The following RAP1GDS1 variants were observed in gnomAD, a reference collection of about 807,000 sequenced individuals.
The protein encoded by RAP1GDS1 is Rap1 GTPase-GDP dissociation stimulator 1, also known as RAP1, GTP-GDP dissociation stimulator 1.
RAP1GDS1 carries 35 observed loss-of-function variants against 71.1 expected under a neutral mutation model. The observed-to-expected ratio is 0.49, with a 90% CI of 0.38 to 0.65. The LOEUF (loss-of-function observed/expected upper bound fraction) is 0.65. Among genes scored for constraint, RAP1GDS1 ranks in the 30% least tolerant of loss-of-function variants. The pLI, the probability that RAP1GDS1 is intolerant of heterozygous loss-of-function variation, is 0.00. For missense variants in RAP1GDS1, 663 were observed against 706.1 expected (o/e 0.94, Z 0.69); for synonymous variants, 229 against 243.1 (o/e 0.94, Z 0.54).
chr4:98,264,128 T>C (rs1722394973), intron 1 of RAP1GDS1, among the ~76,000 whole-genome samples: 1 of 152,124 alleles, frequency 6.6e-6, no homozygotes, highest in Non-Finnish European at 1.5e-5. Flanking sequence ...TTAAAGATAG[T>C]CTCAGCCGGG....
intron 6 of RAP1GDS1, chr4:98,392,360 G>T: frequency 4.4e-6 from 1 of 225,308 alleles, no homozygotes; most frequent in Non-Finnish European, 8.6e-6. Flanking sequence ...ATTTACACTT[G>T]TCTCCACTTG....
At chr4:98,439,297 T>C (rs190806442) in intron 14 of RAP1GDS1, among the ~76,000 whole-genome samples, 242 of 152,318 alleles carry the variant, frequency 1.6e-3, no homozygotes, top group Non-Finnish European at 2.9e-3. Flanking sequence ...TGTGTTCTTA[T>C]GTGTTTTATT....
At chr4:98,391,659 T>C (rs1044212315) in intron 5 of RAP1GDS1, among the ~76,000 whole-genome samples, 1 of 152,144 alleles carries the variant, frequency 6.6e-6, no homozygotes, top group African/African-American at 2.4e-5. Flanking sequence ...ATTAAAAGCC[T>C]GCTTTTTAAT....
At chr4:98,393,234 A>C (rs1743996082) in intron 6 of RAP1GDS1, among the ~76,000 whole-genome samples, 1 of 152,154 alleles carries the variant, frequency 6.6e-6, no homozygotes, top group Non-Finnish European at 1.5e-5. Flanking sequence ...TTAACATTTT[A>C]CTTTTATTTT....
chr4:98,328,337 G>GT (rs541779280), intron 2 of RAP1GDS1, among the ~76,000 whole-genome samples: 299 of 152,300 alleles, frequency 2.0e-3, no homozygotes, highest in African/African-American at 7.1e-3. Context: ...ATTGAGGTGC[G>GT]TAAGAGTCTT....
chr4:98,322,910 T>A (rs187788028), intron 2 of RAP1GDS1, among the ~76,000 whole-genome samples: 1 of 113,962 alleles, frequency 8.8e-6, no homozygotes, highest in Non-Finnish European at 1.6e-5. Flanking sequence ...AGGCAAGAAA[T>A]AACTAAAATC....
At chr4:98,439,441 T>G (rs957058263) in intron 14 of RAP1GDS1, among the ~76,000 whole-genome samples, 1 of 152,218 alleles carries the variant, frequency 6.6e-6, no homozygotes, top group Admixed American at 6.5e-5. Context: ...CTTCTTGAAT[T>G]GATAGGTTTA....
intron 10 of RAP1GDS1, 91 bp from the exon 11 acceptor site, chr4:98,419,928 C>A: frequency 8.3e-7 from 1 of 1,208,478 alleles, no homozygotes; most frequent in South Asian, 2.4e-5. Flanking sequence ...AAACATGGAT[C>A]TTAAAGATAC....
chr4:98,319,851 T>C (rs186521545), intron 2 of RAP1GDS1, among the ~76,000 whole-genome samples: 1 of 151,756 alleles, frequency 6.6e-6, no homozygotes, highest in African/African-American at 2.4e-5. Context: ...CAGATTCTTT[T>C]CAATAAAAGT....
chr4:98,333,998 A>G (rs1001704391), intron 2 of RAP1GDS1, among the ~76,000 whole-genome samples: 1 of 152,186 alleles, frequency 6.6e-6, no homozygotes, highest in Non-Finnish European at 1.5e-5. Flanking sequence ...AACTTAGGCA[A>G]AAATGTATGC....
chr4:98,363,060 A>C (rs1001472286), intron 4 of RAP1GDS1, among the ~76,000 whole-genome samples: 1 of 152,174 alleles, frequency 6.6e-6, no homozygotes, highest in African/African-American at 2.4e-5. Context: ...CATCAAGGGA[A>C]TAAAGAAGGT....
intron 2 of RAP1GDS1, among the ~76,000 whole-genome samples, chr4:98,325,952 C>T (rs1165208745): frequency 2.0e-5 from 3 of 151,536 alleles, no homozygotes; most frequent in Non-Finnish European, 4.4e-5. Flanking sequence ...AGTTGTAGTG[C>T]TAGATATATT....
chr4:98,374,599 G>T (rs1464139195), intron 4 of RAP1GDS1, among the ~76,000 whole-genome samples: 1 of 152,166 alleles, frequency 6.6e-6, no homozygotes, highest in Non-Finnish European at 1.5e-5. Flanking sequence ...TTAATCTCTG[G>T]AATTGAGCGC....
intron 1 of RAP1GDS1, among the ~76,000 whole-genome samples, chr4:98,277,075 T>A (rs1431576477): frequency 6.6e-6 from 1 of 152,140 alleles, no homozygotes; most frequent in Admixed American, 6.5e-5. Context: ...CTTTTTATTA[T>A]ACCAGACTAG....
At chr4:98,289,196 T>G (rs1233330153) in intron 1 of RAP1GDS1, among the ~76,000 whole-genome samples, 1 of 152,156 alleles carries the variant, frequency 6.6e-6, no homozygotes, top group Non-Finnish European at 1.5e-5. Flanking sequence ...TGGAATAAAT[T>G]TAACATTAAA....
At chr4:98,387,386 CT>C (rs1016683958) in intron 5 of RAP1GDS1, 25 of 455,202 alleles carry the variant, frequency 5.5e-5, no homozygotes, top group Admixed American at 5.4e-4. Flanking sequence ...AAACATTAAA[CT>C]TAAAACTCAG....
intron 9 of RAP1GDS1, among the ~76,000 whole-genome samples, chr4:98,417,870 T>C (rs1331333445): frequency 1.3e-5 from 2 of 152,164 alleles, no homozygotes; most frequent in African/African-American, 2.4e-5. Context: ...TATATACTTT[T>C]ATGCCCATAA....
At chr4:98,414,883 T>C (rs1747693309) in intron 7 of RAP1GDS1, among the ~76,000 whole-genome samples, 1 of 151,820 alleles carries the variant, frequency 6.6e-6, no homozygotes, top group South Asian at 2.1e-4. Context: ...GTATCCTCTT[T>C]TATTTCCTTG....
At chr4:98,336,192 C>A (rs1252944165) in intron 2 of RAP1GDS1, among the ~76,000 whole-genome samples, 1 of 152,110 alleles carries the variant, frequency 6.6e-6, no homozygotes, top group Non-Finnish European at 1.5e-5. Flanking sequence ...TTCATATCTT[C>A]AGTAATTCAA....
Sources: gnomAD v4.1 joint callset for allele counts (sites outside exome capture counted in the v4.1 genomes callset) on GRCh38, gnomAD v4.1.1 for gene constraint, MANE v1.5 for transcripts, NCBI Gene and HGNC (gene_info 2026-07-23, HGNC 2026-07-21) for gene names.